The following HTR1D variants were observed in gnomAD, a reference collection of about 807,000 sequenced individuals.
HTR1D encodes 5-hydroxytryptamine receptor 1D.
Under a neutral mutation model 21.1 loss-of-function variants are expected in HTR1D, and 18 were observed. That is an observed-to-expected ratio of 0.85 (90% CI 0.59 to 1.27). The LOEUF (loss-of-function observed/expected upper bound fraction) is 1.27, where lower values mean the gene tolerates loss of function less well. HTR1D is among the 50% of genes most tolerant of loss of function. The pLI is 0.00. For synonymous variants in HTR1D, 196 were observed against 204.4 expected (o/e 0.96, Z 0.35); for missense variants, 456 against 481.4 (o/e 0.95, Z 0.49).
Position 23,205,040 on chromosome 1 carries a change from T to C in HTR1D, c.-782-10039A>G, listed in dbSNP as rs113044781. Among the ~76,000 whole-genome samples, 1,272 of 152,350 alleles carry C rather than the reference T, an allele frequency of 8.3e-3. 14 individuals carry two copies. Among genetic ancestry groups the C allele is most frequent in the African/African-American group, 0.026 (1,084 of 41,570 alleles). ...GTAGATAAAGAAACTGTGATTTATA[T>C]GATGGAATACTATCCAGTCATAAAA... On this transcript the variant is annotated intron_variant, in intron 1 of 1. Coordinates refer to ENST00000374619, the MANE Select transcript of HTR1D (RefSeq NM_000864.5).
At chr1:23,216,823 G>A (rs966696794) in intron 1 of HTR1D, among the ~76,000 whole-genome samples, 1 of 152,134 alleles carries the variant, frequency 6.6e-6, no homozygotes, top group African/African-American at 2.4e-5. Context: ...GCCCCAGCCC[G>A]GAGCCAGCCG....
chr1:23,193,200 G>C lies in HTR1D; in HGVS notation c.1020C>G (p.Phe340Leu). 1 of 1,614,124 alleles carries C rather than the reference G, an allele frequency of 6.2e-7. No homozygotes were observed. The highest frequency in any genetic ancestry group is 2.2e-5 in the East Asian group (1 of 44,874). The change falls in exon 2 of 2, where the codon TTC (phenylalanine) becomes TTG (leucine). Residue 340 changes from phenylalanine to leucine, a missense_variant. Coordinates refer to ENST00000374619, the MANE Select transcript of HTR1D (RefSeq NM_000864.5). ...SCWIHPALFD[F>L]FTWLGYLNSL... ...AGTTTAAATAGCCTAGCCAGGTGAA[G>C]AAGTCAAAGAGCGCCGGGTGGATCC...
At chr1:23,204,422 G>A (rs1644721740) in intron 1 of HTR1D, among the ~76,000 whole-genome samples, 1 of 152,180 alleles carries the variant, frequency 6.6e-6, no homozygotes, top group Non-Finnish European at 1.5e-5. Flanking sequence ...ACCATGCCCG[G>A]CCACACTCAT....
At chr1:23,195,139 G>A (rs1644683081) in intron 1 of HTR1D, among the ~76,000 whole-genome samples, 138 bp from the exon 2 acceptor site, 1 of 152,226 alleles carries the variant, frequency 6.6e-6, no homozygotes, top group Non-Finnish European at 1.5e-5. Context: ...AAAAGTATCA[G>A]AATACAGGGA....
rs201510627 is a variant in HTR1D, at chr1:23,208,955, TA to T, written c.-783+8335del. 7.7e-3 allele frequency among the ~76,000 whole-genome samples: 1,175 copies of T among 152,004 alleles called. 10 individuals are homozygous for T. Among genetic ancestry groups the T allele is most frequent in the African/African-American group, 0.024 (989 of 41,444 alleles). ...TATTAGTTACATGTTGAAATGGTAA[TA>T]TTTTGGGTGTAGTAGGTTAATAGAA... On this transcript the variant is annotated intron_variant, in intron 1 of 1. Transcript: ENST00000374619.
intron 1 of HTR1D, among the ~76,000 whole-genome samples, chr1:23,201,991 A>G (rs1644710853): frequency 6.6e-6 from 1 of 152,198 alleles, no homozygotes; most frequent in Non-Finnish European, 1.5e-5. Flanking sequence ...TGCGGCTTCA[A>G]TGAAGTAGGG....
At chr1:23,202,908 A>G (rs1417131019) in intron 1 of HTR1D, among the ~76,000 whole-genome samples, 1 of 151,956 alleles carries the variant, frequency 6.6e-6, no homozygotes, top group East Asian at 1.9e-4. Context: ...AAGAATCTGG[A>G]AAGTTTCTTT....
chr1:23,194,113 G>T lies in HTR1D; in HGVS notation c.107C>A (p.Ala36Glu), dbSNP rs553069366. ...GACCACGGCAAGGGAGATCTTGAGCGCCTGGAGGGTCCTGGGATCCCAAGC... is the reference window on the plus strand; with the variant it reads ...GACCACGGCAAGGGAGATCTTGAGCTCCTGGAGGGTCCTGGGATCCCAAGC... ...SEAWDPRTLQALKISLAVVLS... is the reference protein window; with the variant it reads ...SEAWDPRTLQELKISLAVVLS... Residue 36 changes from alanine to glutamate, a missense_variant, in exon 2 of 2, where the codon GCG becomes GAG. Coordinates refer to ENST00000374619, the MANE Select transcript of HTR1D (RefSeq NM_000864.5). 4 of 1,614,126 alleles carry T rather than the reference G, an allele frequency of 2.5e-6. No individual in the cohort carries two copies. Among genetic ancestry groups the T allele is most frequent in the Non-Finnish European group, 3.4e-6 (4 of 1,180,020 alleles).
At chr1:23,216,908 C>G (rs897727750) in intron 1 of HTR1D, among the ~76,000 whole-genome samples, 1 of 152,080 alleles carries the variant, frequency 6.6e-6, no homozygotes, top group Non-Finnish European at 1.5e-5. Flanking sequence ...CCGAACCTGG[C>G]CAGCAGGGGG....
At chr1:23,197,298 G>A (rs920376650) in intron 1 of HTR1D, among the ~76,000 whole-genome samples, 5 of 151,772 alleles carry the variant, frequency 3.3e-5, no homozygotes, top group African/African-American at 9.7e-5. Flanking sequence ...CAATTGAGAG[G>A]CTATCTCCCC....
chr1:23,203,971 C>T (rs1023739167), intron 1 of HTR1D, among the ~76,000 whole-genome samples: 6 of 152,048 alleles, frequency 3.9e-5, no homozygotes, highest in African/African-American at 9.7e-5. Context: ...ACAGGGAGAC[C>T]GTCTCTAGAA....
chr1:23,203,553 A>C (rs1247364470), intron 1 of HTR1D, among the ~76,000 whole-genome samples: 1 of 152,134 alleles, frequency 6.6e-6, no homozygotes, highest in Non-Finnish European at 1.5e-5. Context: ...GCTACTTGGG[A>C]GGCTGAGGTG....
rs928575298 is a variant in HTR1D at position 23,192,291 on chromosome 1, T to C, written c.*795A>G. ...GAGATTTAATCTAAGAAAGACTCAG[T>C]GGAAGAAACGCATGGATATTATTTT... is the stretch of plus-strand genomic sequence containing the variant. On this transcript the variant is annotated 3_prime_UTR_variant, in exon 2 of 2. Coordinates refer to ENST00000374619, the MANE Select transcript of HTR1D (RefSeq NM_000864.5). The C allele has an allele frequency of 2.0e-5, 3 of 152,630 alleles. No individual in the cohort carries two copies. Among genetic ancestry groups the C allele is most frequent in the African/African-American group, 7.2e-5 (3 of 41,450 alleles). 9.5% of individuals were successfully genotyped at this position (152,630 alleles called of 1,614,324 possible).
At chr1:23,210,021 AC>A (rs1257355935) in intron 1 of HTR1D, among the ~76,000 whole-genome samples, 2 of 152,124 alleles carry the variant, frequency 1.3e-5, no homozygotes, top group Non-Finnish European at 2.9e-5. Context: ...TTGAATGTGT[AC>A]ATGCATTACC....
At chr1:23,203,835 A>G (rs1334096657) in intron 1 of HTR1D, among the ~76,000 whole-genome samples, 2 of 152,080 alleles carry the variant, frequency 1.3e-5, no homozygotes, top group African/African-American at 4.8e-5. Context: ...ATTGCAAACT[A>G]CCTAAACAAA....
chr1:23,197,692 AGCCTGG>A (rs1644694012), intron 1 of HTR1D, among the ~76,000 whole-genome samples: 1 of 151,630 alleles, frequency 6.6e-6, no homozygotes, highest in African/African-American at 2.4e-5. Context: ...ATTGCACTCC[AGCCTGG>A]GCGACAGAGC....
chr1:23,198,522 T>C (rs1644698346), intron 1 of HTR1D, among the ~76,000 whole-genome samples: 1 of 152,226 alleles, frequency 6.6e-6, no homozygotes, highest in African/African-American at 2.4e-5. Flanking sequence ...TGGGTATGCA[T>C]GGCAGAGAAA....
At chr1:23,212,435 C>T (rs900137391) in intron 1 of HTR1D, among the ~76,000 whole-genome samples, 2 of 152,184 alleles carry the variant, frequency 1.3e-5, no homozygotes, top group African/African-American at 4.8e-5. Flanking sequence ...CCAAGTTTAA[C>T]TCTCCCCTCT....
chr1:23,212,901 A>G (rs1437334086), intron 1 of HTR1D, among the ~76,000 whole-genome samples: 1 of 149,914 alleles, frequency 6.7e-6, no homozygotes, highest in Non-Finnish European at 1.5e-5. Context: ...ATCTCCACTC[A>G]CTGCAACCTC....
Sources: gnomAD v4.1 joint callset for allele counts (sites outside exome capture counted in the v4.1 genomes callset) on GRCh38, gnomAD v4.1.1 for gene constraint, MANE v1.5 for transcripts, NCBI Gene and HGNC (gene_info 2026-07-23, HGNC 2026-07-21) for gene names.